Variants in HTR4 observed in about 807,000 individuals in gnomAD.
HTR4 encodes 5-hydroxytryptamine (serotonin) receptor 4, G protein-coupled.
In HTR4, 16 loss-of-function variants were observed where a neutral mutation model predicts 36.8. The observed-to-expected ratio is 0.43, with a 90% CI of 0.29 to 0.66. The LOEUF (loss-of-function observed/expected upper bound fraction) is 0.66. Among genes scored for constraint, HTR4 ranks in the 30% least tolerant of loss-of-function variants. The pLI, the probability that HTR4 is intolerant of heterozygous loss-of-function variation, is 0.13. For synonymous variants in HTR4, 189 were observed against 185.1 expected (o/e 1.02, Z -0.17); for missense variants, 438 against 490.9 (o/e 0.89, Z 1.02).
At chr5:148,592,042 T>C (rs1761593939) in intron 2 of HTR4, among the ~76,000 whole-genome samples, 1 of 152,194 alleles carries the variant, frequency 6.6e-6, no homozygotes, top group Non-Finnish European at 1.5e-5. Context: ...CTCCATGGAA[T>C]ACTGTGCAGC....
intron 2 of HTR4, among the ~76,000 whole-genome samples, chr5:148,596,324 C>T (rs1460092454): frequency 6.6e-6 from 1 of 152,184 alleles, no homozygotes; most frequent in Non-Finnish European, 1.5e-5. Flanking sequence ...CCTGATTCAT[C>T]TTCCAGAAGC....
At chr5:148,454,484 A>G (rs773249653) in intron 5 of HTR4, among the ~76,000 whole-genome samples, 2 of 152,172 alleles carry the variant, frequency 1.3e-5, no homozygotes, top group Non-Finnish European at 2.9e-5. Flanking sequence ...GATAATGATG[A>G]TAATGATAAT....
intron 5 of HTR4, chr5:148,466,054 C>T (rs1755418748): frequency 6.7e-7 from 1 of 1,502,072 alleles, no homozygotes; most frequent in African/African-American, 1.4e-5. Context: ...TGCCAATATT[C>T]TTAAAGTGCT....
intron 2 of HTR4, among the ~76,000 whole-genome samples, chr5:148,593,646 C>A (rs1761660591): frequency 6.6e-6 from 1 of 152,166 alleles, no homozygotes; most frequent in Non-Finnish European, 1.5e-5. Flanking sequence ...TTCCCTGATT[C>A]ATTACACCAC....
intron 2 of HTR4, among the ~76,000 whole-genome samples, chr5:148,553,211 G>A (rs1374029621): frequency 9.9e-5 from 15 of 151,264 alleles, no homozygotes; most frequent in African/African-American, 3.4e-4. Context: ...TACAGTCCAT[G>A]GCAAAAAAAA....
At chr5:148,645,734 CT>C (rs1223281954) in intron 1 of HTR4, 1 of 152,226 alleles carries the variant, frequency 6.6e-6, no homozygotes, top group Non-Finnish European at 1.5e-5. Context: ...CATTAACCAG[CT>C]GTTGTAATAA....
intron 4 of HTR4, among the ~76,000 whole-genome samples, chr5:148,548,244 A>G (rs948200256): frequency 2.6e-5 from 4 of 152,156 alleles, no homozygotes; most frequent in African/African-American, 9.7e-5. Context: ...ACAGAAACAT[A>G]TTTTCAAGAA....
intron 4 of HTR4, among the ~76,000 whole-genome samples, chr5:148,532,672 A>G (rs535451734): frequency 3.9e-5 from 6 of 152,346 alleles, no homozygotes; most frequent in African/African-American, 4.8e-5. Flanking sequence ...ATACATACCC[A>G]TAAATGTATA....
chr5:148,597,979 G>T (rs922970925), intron 2 of HTR4, among the ~76,000 whole-genome samples: 1 of 152,104 alleles, frequency 6.6e-6, no homozygotes, highest in Non-Finnish European at 1.5e-5. Flanking sequence ...GTCCATAATT[G>T]AACAATCAAC....
At chr5:148,506,015 A>C (rs570275478) in intron 6 of HTR4, among the ~76,000 whole-genome samples, 2 of 152,320 alleles carry the variant, frequency 1.3e-5, no homozygotes, top group South Asian at 4.1e-4. Flanking sequence ...GAGAATTGGA[A>C]AAAACTACTT....
intron 5 of HTR4, among the ~76,000 whole-genome samples, chr5:148,460,716 C>G (rs1185713558): frequency 1.3e-5 from 2 of 152,064 alleles, no homozygotes. Context: ...GGAAGAGCAT[C>G]AGAGAAGGAA....
chr5:148,571,660 A>T (rs1411283706), intron 2 of HTR4, among the ~76,000 whole-genome samples: 4 of 152,034 alleles, frequency 2.6e-5, no homozygotes, highest in African/African-American at 9.7e-5. Context: ...GGCTGTTTCG[A>T]TAGACAAGAC....
chr5:148,457,819 T>C (rs866369869), intron 5 of HTR4, among the ~76,000 whole-genome samples: 1 of 80,556 alleles, frequency 1.2e-5, no homozygotes, highest in East Asian at 2.2e-4. Flanking sequence ...TTTTGATATA[T>C]CATTAAAATA....
At chr5:148,600,943 C>T (rs1581529372) in intron 2 of HTR4, among the ~76,000 whole-genome samples, 1 of 55,110 alleles carries the variant, frequency 1.8e-5, no homozygotes, top group Admixed American at 2.8e-4. Context: ...GGTTAATATT[C>T]AAAATATATG....
At chr5:148,466,573 G>T (rs1198585633) in intron 5 of HTR4, among the ~76,000 whole-genome samples, 1 of 152,058 alleles carries the variant, frequency 6.6e-6, no homozygotes, top group Admixed American at 6.5e-5. Flanking sequence ...AGAGTTAAAT[G>T]TCCAGAATTC....
intron 4 of HTR4, among the ~76,000 whole-genome samples, chr5:148,537,931 CAAG>C (rs1240732346): frequency 1.3e-5 from 2 of 150,766 alleles, no homozygotes; most frequent in Non-Finnish European, 3.0e-5. Flanking sequence ...GAAACAACAA[CAAG>C]AAGTCAGGCC....
chr5:148,485,159 G>T (rs753077054), intron 6 of HTR4, among the ~76,000 whole-genome samples: 17 of 152,176 alleles, frequency 1.1e-4, no homozygotes, highest in African/African-American at 1.7e-4. Context: ...TATTAGCAAC[G>T]ATAAAAACAA....
At chr5:148,541,790 C>T (rs948634808) in intron 4 of HTR4, among the ~76,000 whole-genome samples, 1 of 152,104 alleles carries the variant, frequency 6.6e-6, no homozygotes, top group Admixed American at 6.5e-5. Context: ...TTAACAAGGG[C>T]TTTCCTATGG....
At chr5:148,633,153 A>T (rs1279656065) in intron 2 of HTR4, among the ~76,000 whole-genome samples, 3 of 152,174 alleles carry the variant, frequency 2.0e-5, no homozygotes, top group Middle Eastern at 3.4e-3. Flanking sequence ...AAGGGACAGG[A>T]CTCATCAGGA....
Sources: gnomAD v4.1 joint callset for allele counts (sites outside exome capture counted in the v4.1 genomes callset) on GRCh38, gnomAD v4.1.1 for gene constraint, MANE v1.5 for transcripts, NCBI Gene and HGNC (gene_info 2026-07-23, HGNC 2026-07-21) for gene names.